Variants in TM2D1 observed in about 807,000 individuals in gnomAD.
TM2D1 encodes the protein TM2 domain containing 1.
Under a neutral mutation model 28.4 loss-of-function variants are expected in TM2D1, and 15 were observed. That is an observed-to-expected ratio of 0.53 (90% CI 0.35 to 0.81). The LOEUF (loss-of-function observed/expected upper bound fraction) is 0.81. Among genes scored for constraint, TM2D1 ranks in the 40% least tolerant of loss-of-function variants. The pLI, the probability that TM2D1 is intolerant of heterozygous loss-of-function variation, is 0.01. For synonymous variants in TM2D1, 93 were observed against 96.2 expected, an observed-to-expected ratio of 0.97 and a Z score of 0.20; for missense variants, 236 against 254.9, an observed-to-expected ratio of 0.93 and a Z score of 0.50.
At chr1:61,713,260 T>C (rs1208045201) in intron 2 of TM2D1, among the ~76,000 whole-genome samples, 1 of 151,760 alleles carries the variant, frequency 6.6e-6, no homozygotes, top group Non-Finnish European at 1.5e-5. Context: ...GGTGAATTGC[T>C]TGCAGCCAGG....
chr1:61,720,737 T>A (rs1047261299), intron 2 of TM2D1, among the ~76,000 whole-genome samples: 1 of 152,208 alleles, frequency 6.6e-6, no homozygotes, highest in African/African-American at 2.4e-5. Context: ...TCATTACCAA[T>A]AAATACTTTC....
intron 3 of TM2D1, among the ~76,000 whole-genome samples, chr1:61,704,980 T>C (rs1644430547): frequency 6.6e-6 from 1 of 152,166 alleles, no homozygotes; most frequent in African/African-American, 2.4e-5. Flanking sequence ...TAAACACTCC[T>C]TTGATATATT....
intron 2 of TM2D1, among the ~76,000 whole-genome samples, chr1:61,716,137 A>G (rs985334856): frequency 1.3e-5 from 2 of 151,554 alleles, no homozygotes; most frequent in African/African-American, 4.8e-5. Context: ...CCTGGGCAAC[A>G]TAGTGAGACT....
intron 2 of TM2D1, among the ~76,000 whole-genome samples, chr1:61,713,421 T>C (rs1270376376): frequency 7.5e-6 from 1 of 133,266 alleles, no homozygotes; most frequent in Admixed American, 9.3e-5. Context: ...TAGGTTGCAG[T>C]AAGCCACAAT....
In TM2D1 at chr1:61,723,800, T is replaced by A; in HGVS notation, c.165-14A>T. ...TTACAAATATATGTAAAAAAAAAAG[T>A]TAAGGAAATACGGACTACATTCCAA... is the stretch of plus-strand genomic sequence containing the variant. On this transcript the variant is annotated splice_polypyrimidine_tract_variant and intron_variant, in intron 1 of 6. Coordinates refer to ENST00000606498, the MANE Select transcript of TM2D1 (RefSeq NM_032027.3). 1 of 1,310,846 alleles carries A rather than the reference T, an allele frequency of 7.6e-7. No homozygotes were observed. The allele number at this position is 1,310,846 out of a possible 1,614,324, so 81.2% of individuals were successfully genotyped here. A position where few individuals can be genotyped will look rare whatever the true frequency, so the allele number is the denominator to read the frequency against.
intron 6 of TM2D1, 61 bp from the exon 7 acceptor site, chr1:61,681,411 T>C (rs1478718285): frequency 6.6e-6 from 1 of 152,236 alleles, no homozygotes; most frequent in Non-Finnish European, 1.5e-5. Context: ...AATGAGGTTA[T>C]TGCAGATGTA....
At chr1:61,715,926 C>A (rs945673636) in intron 2 of TM2D1, among the ~76,000 whole-genome samples, 4 of 150,648 alleles carry the variant, frequency 2.7e-5, no homozygotes, top group Non-Finnish European at 5.9e-5. Flanking sequence ...CTCAGCCTCC[C>A]GAGTAGCTGG....
chr1:61,700,469 C>A (rs1014683967), intron 4 of TM2D1, among the ~76,000 whole-genome samples: 1 of 152,200 alleles, frequency 6.6e-6, no homozygotes. Context: ...TGATAGAAGT[C>A]AGGCTCCCAC....
intron 3 of TM2D1, among the ~76,000 whole-genome samples, chr1:61,706,042 T>A (rs1387633547): frequency 2.0e-5 from 3 of 152,058 alleles, no homozygotes. Flanking sequence ...TATCGCTGAG[T>A]CTTTATTCAG....
intron 4 of TM2D1, chr1:61,700,251 C>T (rs1290414828): frequency 1.3e-6 from 2 of 1,511,446 alleles, no homozygotes; most frequent in East Asian, 5.2e-5. Context: ...AATCCCTTAA[C>T]CTCTCTGGTG....
At chr1:61,688,932 G>A (rs1316726992) in intron 5 of TM2D1, among the ~76,000 whole-genome samples, 1 of 151,498 alleles carries the variant, frequency 6.6e-6, no homozygotes, top group East Asian at 1.9e-4. Flanking sequence ...AGCTACTCAG[G>A]AGGCTGAGGC....
chr1:61,687,580 T>C (rs1644292965), intron 5 of TM2D1, among the ~76,000 whole-genome samples: 2 of 152,198 alleles, frequency 1.3e-5, no homozygotes, highest in African/African-American at 4.8e-5. Context: ...TACCAGTAAG[T>C]ACTTTATCAC....
chr1:61,707,626 T>A (rs976086860), intron 3 of TM2D1, among the ~76,000 whole-genome samples: 4 of 152,234 alleles, frequency 2.6e-5, no homozygotes, highest in Admixed American at 6.5e-5. Context: ...TATTCTTTTT[T>A]AATAATTTTT....
intron 2 of TM2D1, among the ~76,000 whole-genome samples, chr1:61,720,343 G>A (rs1483671399): frequency 1.3e-5 from 2 of 152,018 alleles, no homozygotes; most frequent in African/African-American, 2.4e-5. Flanking sequence ...CCAGGTTCAA[G>A]CAAGTCTCCT....
intron 4 of TM2D1, chr1:61,700,194 TAAC>T: frequency 6.5e-7 from 1 of 1,537,420 alleles, no homozygotes; most frequent in Non-Finnish European, 8.8e-7. Context: ...ACAAAGATGA[TAAC>T]AACAAATATG....
intron 5 of TM2D1, among the ~76,000 whole-genome samples, chr1:61,688,558 A>C (rs1016679327): frequency 2.0e-5 from 3 of 152,184 alleles, no homozygotes; most frequent in African/African-American, 7.2e-5. Flanking sequence ...TCCCGTGTTT[A>C]CTAAAAATAC....
chr1:61,684,118 G>C (rs933506085), intron 5 of TM2D1, among the ~76,000 whole-genome samples: 10 of 152,072 alleles, frequency 6.6e-5, no homozygotes, highest in Non-Finnish European at 1.2e-4. Context: ...AAAAGGAAGA[G>C]GTAGAAAAAA....
intron 5 of TM2D1, among the ~76,000 whole-genome samples, chr1:61,692,319 A>G (rs1209202269): frequency 2.0e-5 from 3 of 152,130 alleles, no homozygotes; most frequent in Non-Finnish European, 4.4e-5. Context: ...AAGACAAACT[A>G]TAACTAGACT....
chr1:61,688,343 C>T (rs1644298070), intron 5 of TM2D1, among the ~76,000 whole-genome samples: 1 of 152,136 alleles, frequency 6.6e-6, no homozygotes. Context: ...TGATCAGTCA[C>T]TTCGGTTTTC....
Sources: gnomAD v4.1 joint callset for allele counts (sites outside exome capture counted in the v4.1 genomes callset) on GRCh38, gnomAD v4.1.1 for gene constraint, MANE v1.5 for transcripts, NCBI Gene and HGNC (gene_info 2026-07-23, HGNC 2026-07-21) for gene names.